The following KLF12 variants were observed in gnomAD, a reference collection of about 807,000 sequenced individuals.
KLF12 encodes Krueppel-like factor 12.
Under a neutral mutation model 37.8 loss-of-function variants are expected in KLF12, and 9 were observed. The ratio of observed to expected loss-of-function variants is 0.24; its 90% confidence interval spans 0.14 to 0.42. The LOEUF (loss-of-function observed/expected upper bound fraction) is 0.42. KLF12 is among the 10% of genes least tolerant of loss of function. The probability of loss-of-function intolerance (pLI) is 1.00; values close to 1 mark genes in which losing one functional copy is unlikely to be tolerated. For synonymous variants in KLF12, 208 were observed against 202.1 expected, an observed-to-expected ratio of 1.03 and a Z score of -0.25; for missense variants, 411 against 516.0, an observed-to-expected ratio of 0.80 and a Z score of 1.97.
chr13:73,869,364 A>G (rs1363687610), intron 3 of KLF12, among the ~76,000 whole-genome samples: 1 of 152,142 alleles, frequency 6.6e-6, no homozygotes, highest in Non-Finnish European at 1.5e-5. Context: ...TCCACAAACT[A>G]AAAAATACAT....
chr13:74,094,812 C>T (rs1425287112), intron 1 of KLF12, among the ~76,000 whole-genome samples: 11 of 152,076 alleles, frequency 7.2e-5, no homozygotes, highest in Non-Finnish European at 1.3e-4. Flanking sequence ...GTTGGCCAGG[C>T]TGGTTATGAA....
the KLF12 span, among the ~76,000 whole-genome samples, chr13:74,224,857 A>C: frequency 1.3e-5 from 2 of 152,196 alleles, no homozygotes; most frequent in East Asian, 3.8e-4. Context: ...CCATTTCAAG[A>C]ATTGGCAGGT....
At chr13:73,790,272 T>A (rs1397129822) in intron 5 of KLF12, among the ~76,000 whole-genome samples, 1 of 152,240 alleles carries the variant, frequency 6.6e-6, no homozygotes, top group Admixed American at 6.5e-5. Flanking sequence ...CAAATGATGT[T>A]TGAATGGTCA....
Position 73,858,872 on chromosome 13 carries a change from C to A in KLF12, c.124-12499G>T, listed in dbSNP as rs1885752527. Among the ~76,000 whole-genome samples the A allele has an allele frequency of 3.3e-5, 5 of 152,176 alleles. No homozygotes were observed. The South Asian group carries it at 1.0e-3, about 32-fold the overall frequency. The stretch of plus-strand genomic sequence containing the variant: ...ATTGTGCTCTTTAAATCAGTGTCTT[C>A]AGAATGCATAAACTGAAAAAGTAAA... On this transcript the variant is annotated intron_variant, in intron 3 of 7. Coordinates refer to ENST00000377669, the MANE Select transcript of KLF12 (RefSeq NM_007249.5).
At chr13:73,963,657 A>G (rs1353931796) in intron 2 of KLF12, among the ~76,000 whole-genome samples, 1 of 152,216 alleles carries the variant, frequency 6.6e-6, no homozygotes, top group Non-Finnish European at 1.5e-5. Context: ...TTCGTATATA[A>G]TTTAGTACTC....
intron 2 of KLF12, among the ~76,000 whole-genome samples, chr13:73,951,653 G>C (rs1410755593): frequency 6.6e-6 from 1 of 152,176 alleles, no homozygotes; most frequent in Non-Finnish European, 1.5e-5. Flanking sequence ...ATACAATGGA[G>C]AGGAGAGCTC....
the KLF12 span, among the ~76,000 whole-genome samples, chr13:74,233,710 G>C: frequency 6.6e-6 from 1 of 152,126 alleles, no homozygotes; most frequent in African/African-American, 2.4e-5. Context: ...GAATTAAAGA[G>C]CAGAGGGTCT....
At chr13:74,009,537 A>G (rs17061948) in intron 1 of KLF12, among the ~76,000 whole-genome samples, 3 of 152,122 alleles carry the variant, frequency 2.0e-5, no homozygotes, top group Non-Finnish European at 2.9e-5. Context: ...GCTAGATGGA[A>G]GTGCTATGCC....
chr13:73,753,613 G>A (rs996638501), intron 6 of KLF12, among the ~76,000 whole-genome samples: 45 of 151,324 alleles, frequency 3.0e-4, no homozygotes, highest in African/African-American at 1.1e-3. Context: ...ACTGAAGAGG[G>A]AACAGATGAA....
the KLF12 span, among the ~76,000 whole-genome samples, chr13:74,201,203 C>T: frequency 6.6e-6 from 1 of 152,106 alleles, no homozygotes; most frequent in South Asian, 2.1e-4. Context: ...TATGTTCTAA[C>T]ATTTCTATCT....
chr13:73,980,557 A>G (rs1294216297), intron 2 of KLF12, among the ~76,000 whole-genome samples: 2 of 152,194 alleles, frequency 1.3e-5, no homozygotes, highest in African/African-American at 4.8e-5. Context: ...AAATCAAAAT[A>G]AAAAGTAAAA....
chr13:73,919,685 G>C (rs1889022837), intron 3 of KLF12, among the ~76,000 whole-genome samples: 1 of 152,072 alleles, frequency 6.6e-6, no homozygotes, highest in Admixed American at 6.6e-5. Context: ...ATATTGTTGT[G>C]AATCAATCCT....
At chr13:74,282,206 G>T in the KLF12 span, among the ~76,000 whole-genome samples, 1 of 152,202 alleles carries the variant, frequency 6.6e-6, no homozygotes, top group Non-Finnish European at 1.5e-5. Flanking sequence ...GTGCTTTTCT[G>T]TGAAGGAGGG....
At chr13:73,952,116 G>A (rs1036257625) in intron 2 of KLF12, among the ~76,000 whole-genome samples, 1 of 152,138 alleles carries the variant, frequency 6.6e-6, no homozygotes, top group Non-Finnish European at 1.5e-5. Context: ...AAAACATAAT[G>A]TTCATTGGAG....
chr13:73,861,787 G>A (rs541312526), intron 3 of KLF12, among the ~76,000 whole-genome samples: 12 of 151,956 alleles, frequency 7.9e-5, no homozygotes, highest in South Asian at 4.1e-4. Flanking sequence ...ATGCACCTCC[G>A]TGGGTATGTG....
intron 5 of KLF12, among the ~76,000 whole-genome samples, chr13:73,773,826 A>C (rs776095265): frequency 3.3e-5 from 5 of 152,064 alleles, no homozygotes; most frequent in African/African-American, 4.8e-5. Flanking sequence ...TCTTGCTCTC[A>C]GCTCAGTGTC....
At chr13:74,293,712 C>T in the KLF12 span, among the ~76,000 whole-genome samples, 3 of 152,172 alleles carry the variant, frequency 2.0e-5, no homozygotes, top group Non-Finnish European at 1.5e-5. Context: ...ACCTAATCAT[C>T]CAGTTATAGC....
At chr13:73,906,412 C>T (rs1199302201) in intron 3 of KLF12, among the ~76,000 whole-genome samples, 1 of 152,022 alleles carries the variant, frequency 6.6e-6, no homozygotes. Context: ...ATATATTTTC[C>T]AGTTTACTAA....
chr13:74,141,951 A>G, the KLF12 span, among the ~76,000 whole-genome samples: 1 of 152,174 alleles, frequency 6.6e-6, no homozygotes, highest in Non-Finnish European at 1.5e-5. Context: ...GAGGCTCTCT[A>G]TTGAATTCTT....
Sources: gnomAD v4.1 joint callset for allele counts (sites outside exome capture counted in the v4.1 genomes callset) on GRCh38, gnomAD v4.1.1 for gene constraint, MANE v1.5 for transcripts, NCBI Gene and HGNC (gene_info 2026-07-23, HGNC 2026-07-21) for gene names.